PRTFDC1: variants seen among roughly 807,000 people sequenced by gnomAD.
PRTFDC1 encodes phosphoribosyl transferase domain containing 1, also known as phosphoribosyltransferase domain-containing protein 1.
PRTFDC1 carries 38 observed loss-of-function variants against 34.6 expected under a neutral mutation model. That is an observed-to-expected ratio of 1.10 (90% CI 0.85 to 1.44). The LOEUF (loss-of-function observed/expected upper bound fraction) is 1.44. Among genes scored for constraint, PRTFDC1 ranks in the 40% most tolerant of loss-of-function variants. PRTFDC1 has a pLI of 0.00. For synonymous variants in PRTFDC1, 93 were observed against 98.1 expected (o/e 0.95, Z 0.31); for missense variants, 270 against 283.0 (o/e 0.95, Z 0.33).
intron 7 of PRTFDC1, among the ~76,000 whole-genome samples, chr10:24,853,780 G>A (rs1847531078): frequency 6.6e-6 from 1 of 152,146 alleles, no homozygotes; most frequent in South Asian, 2.1e-4. Flanking sequence ...AGAATAAAAG[G>A]ATGATGGATC....
chr10:24,944,472 C>A (rs764360317), intron 1 of PRTFDC1, among the ~76,000 whole-genome samples: 1 of 152,138 alleles, frequency 6.6e-6, no homozygotes, highest in Non-Finnish European at 1.5e-5. Context: ...CACATGGAAG[C>A]GGGCATGCTC....
At chr10:24,889,321 A>G (rs570420569) in intron 3 of PRTFDC1, among the ~76,000 whole-genome samples, 34 of 152,052 alleles carry the variant, frequency 2.2e-4, no homozygotes, top group African/African-American at 8.0e-4. Context: ...CAGCGCCTTG[A>G]TCTGGGAATT....
intron 3 of PRTFDC1, among the ~76,000 whole-genome samples, chr10:24,933,288 C>T (rs1231511834): frequency 6.6e-6 from 1 of 151,770 alleles, no homozygotes; most frequent in South Asian, 2.1e-4. Context: ...TTTAATAATG[C>T]TCTTTGAAAA....
rs146274074 is a variant in PRTFDC1 at position 24,907,882 on chromosome 10, G to C, written c.339+29302C>G. On this transcript the variant is annotated intron_variant, in intron 3 of 8. Transcript: ENST00000320152. ...AACTACAAGTTCATTTCAAAGTGAA[G>C]TATTCTAACTCATATAAATAGAGAA... Among the ~76,000 whole-genome samples the C allele has an allele frequency of 2.2e-4, 34 of 152,222 alleles. 1 individual carries two copies. The East Asian group carries it at 5.6e-3, about 25-fold the overall frequency.
chr10:24,913,487 C>A (rs568570430), intron 3 of PRTFDC1, among the ~76,000 whole-genome samples: 2 of 152,324 alleles, frequency 1.3e-5, no homozygotes, highest in South Asian at 2.1e-4. Flanking sequence ...CAGGCCCAAA[C>A]TGACAATTTC....
At chr10:24,886,320 A>T (rs1848162619) in intron 3 of PRTFDC1, among the ~76,000 whole-genome samples, 1 of 152,232 alleles carries the variant, frequency 6.6e-6, no homozygotes, top group South Asian at 2.1e-4. Flanking sequence ...ATTATGAGAC[A>T]AGGAACAGGT....
chr10:24,951,846 C>A (rs1420023249), intron 1 of PRTFDC1, among the ~76,000 whole-genome samples: 2 of 152,152 alleles, frequency 1.3e-5, no homozygotes, highest in African/African-American at 4.8e-5. Flanking sequence ...GAAACCAGCA[C>A]CCCACACCCT....
chr10:24,868,889 T>C (rs1290035284), intron 4 of PRTFDC1, among the ~76,000 whole-genome samples: 1 of 152,212 alleles, frequency 6.6e-6, no homozygotes, highest in Non-Finnish European at 1.5e-5. Context: ...CAATCCTTAT[T>C]TTTTAAATTT....
intron 3 of PRTFDC1, among the ~76,000 whole-genome samples, chr10:24,877,566 G>A (rs1847988683): frequency 6.6e-6 from 1 of 152,140 alleles, no homozygotes; most frequent in Non-Finnish European, 1.5e-5. Context: ...AGAAGATTCT[G>A]TATATAAATG....
intron 1 of PRTFDC1, among the ~76,000 whole-genome samples, chr10:24,949,422 G>A (rs925143826): frequency 6.6e-6 from 1 of 151,938 alleles, no homozygotes; most frequent in Non-Finnish European, 1.5e-5. Flanking sequence ...TTGATTTTTT[G>A]TATCCCATCC....
intron 3 of PRTFDC1, among the ~76,000 whole-genome samples, chr10:24,886,895 T>A (rs895677028): frequency 5.9e-5 from 9 of 151,812 alleles, no homozygotes; most frequent in Admixed American, 1.3e-4. Context: ...CTAAATCTAG[T>A]GCGTATCCTG....
At position 24,897,017 on chromosome 10, in the gene PRTFDC1, C is replaced by T. The variant is rs113958377; in HGVS notation, c.340-24954G>A. On this transcript the variant is annotated intron_variant, in intron 3 of 8. Transcript: ENST00000320152. ...TTAAGTCCAGGAGTTCAAGACTAGC[C>T]TGGGAAACATGGCAAAAACCCATCT... is the stretch of plus-strand genomic sequence containing the variant. Among the ~76,000 whole-genome samples, 730 of 152,184 alleles carry T rather than the reference C, an allele frequency of 4.8e-3. 6 individuals carry two copies. The highest frequency in any genetic ancestry group is 0.017 in the African/African-American group (701 of 41,528).
rs1001424807 is a variant in PRTFDC1, at chr10:24,952,543, G to C, written c.33C>G (p.Tyr11Ter). 6.3e-7 allele frequency: 1 copy of C among 1,590,780 alleles called. No individual in the cohort carries two copies. The highest frequency in any genetic ancestry group is 8.6e-7 in the Non-Finnish European group (1 of 1,168,338). The change falls in exon 1 of 9, where the codon TAC becomes TAG. Residue 11 changes from tyrosine (Y) to a stop codon, truncating the protein, a stop_gained. Transcript: ENST00000320152. LOFTEE classifies it high-confidence loss of function. This position sits in a 1 kb window ranked among gnomAD's most constrained non-coding sequence, Gnocchi z 5.1. ...TTGCATTTACCACGACGCCTCGCCCGTAGTCTGGCGCCTCCTCGCTGCTCC... is the reference window on the plus strand; with the variant it reads ...TTGCATTTACCACGACGCCTCGCCCCTAGTCTGGCGCCTCCTCGCTGCTCC... Reference protein sequence around the residue: MAGSSEEAPDYGRGVVIMDDW... With the variant: MAGSSEEAPD
intron 3 of PRTFDC1, among the ~76,000 whole-genome samples, chr10:24,933,411 C>A (rs1268783261): frequency 1.3e-5 from 2 of 151,816 alleles, no homozygotes; most frequent in Non-Finnish European, 2.9e-5. Flanking sequence ...AGAAAACAAC[C>A]CAATTTTTTA....
chr10:24,852,090 A>G (rs879784178), intron 7 of PRTFDC1, among the ~76,000 whole-genome samples: 3 of 152,180 alleles, frequency 2.0e-5, no homozygotes, highest in Admixed American at 1.3e-4. Flanking sequence ...TACTGAGGGC[A>G]GAATGAGAGG....
chr10:24,896,513 T>A (rs183071292), intron 3 of PRTFDC1, among the ~76,000 whole-genome samples: 73 of 152,306 alleles, frequency 4.8e-4, no homozygotes, highest in African/African-American at 1.6e-3. Context: ...GGCCTCCTCA[T>A]GAGAATCCCA....
At chr10:24,917,034 C>T (rs1848706514) in intron 3 of PRTFDC1, among the ~76,000 whole-genome samples, 1 of 152,204 alleles carries the variant, frequency 6.6e-6, no homozygotes, top group South Asian at 2.1e-4. Flanking sequence ...TGTCCCCTTC[C>T]CCTTTGCCAT....
At chr10:24,854,929 C>T (rs189404531) in intron 7 of PRTFDC1, among the ~76,000 whole-genome samples, 1 of 152,302 alleles carries the variant, frequency 6.6e-6, no homozygotes, top group African/African-American at 2.4e-5. Context: ...CCTTGTCTGA[C>T]TGGTGAGAAT....
chr10:24,896,569 T>G (rs1848368256), intron 3 of PRTFDC1, among the ~76,000 whole-genome samples: 2 of 152,170 alleles, frequency 1.3e-5, no homozygotes, highest in Admixed American at 6.5e-5. Context: ...AGTTTTAGTC[T>G]TTTCTTAATG....
Sources: allele counts gnomAD v4.1 joint callset (sites outside exome capture counted in the v4.1 genomes callset), GRCh38; gene constraint gnomAD v4.1.1; non-coding constraint Gnocchi (gnomAD v3.1); transcripts MANE v1.5; gene names NCBI Gene and HGNC (gene_info 2026-07-23, HGNC 2026-07-21).